The following CDK17 variants were observed in gnomAD, a reference collection of about 807,000 sequenced individuals.
The protein encoded by CDK17 is cyclin-dependent kinase 17.
A neutral mutation model predicts 77.6 loss-of-function variants in CDK17; 24 were observed. The ratio of observed to expected loss-of-function variants is 0.31; its 90% CI spans 0.22 to 0.44. CDK17 has a LOEUF of 0.44. CDK17 is among the 20% of genes least tolerant of loss of function. The pLI is 1.00. For missense variants in CDK17, 429 were observed against 622.5 expected, an observed-to-expected ratio of 0.69 and a Z score of 3.31; for synonymous variants, 203 against 210.4, an observed-to-expected ratio of 0.96 and a Z score of 0.30.
chr12:96,372,183 C>A (rs1197575918), intron 1 of CDK17, among the ~76,000 whole-genome samples: 1 of 152,076 alleles, frequency 6.6e-6, no homozygotes, highest in Non-Finnish European at 1.5e-5. Flanking sequence ...TAAGTAGTGG[C>A]CAACTTTCCA....
chr12:96,338,432 T>C (rs891903305), intron 1 of CDK17, among the ~76,000 whole-genome samples: 1 of 152,224 alleles, frequency 6.6e-6, no homozygotes, highest in Non-Finnish European at 1.5e-5. Context: ...TGGGTTGGTC[T>C]TGGGGATTCC....
At chr12:96,330,342 T>C (rs1167337359) in intron 2 of CDK17, among the ~76,000 whole-genome samples, 1 of 151,970 alleles carries the variant, frequency 6.6e-6, no homozygotes, top group African/African-American at 2.4e-5. Flanking sequence ...GAGGGAAAGC[T>C]GAAGCTCAGA....
At chr12:96,375,970 G>T (rs1333952708) in intron 1 of CDK17, among the ~76,000 whole-genome samples, 1 of 152,160 alleles carries the variant, frequency 6.6e-6, no homozygotes, top group Non-Finnish European at 1.5e-5. Context: ...CATTGTCTTT[G>T]CAAATGAGCC....
chr12:96,308,352 A>G (rs543922620), intron 5 of CDK17, among the ~76,000 whole-genome samples: 1 of 152,084 alleles, frequency 6.6e-6, no homozygotes, highest in East Asian at 1.9e-4. Context: ...TCAAGATTAC[A>G]GTGAGCTATG....
intron 1 of CDK17, among the ~76,000 whole-genome samples, chr12:96,369,856 G>A (rs763428276): frequency 7.9e-5 from 12 of 152,146 alleles, no homozygotes; most frequent in Admixed American, 5.2e-4. Context: ...TGAGGTGGGC[G>A]GATCACGAGG....
At chr12:96,287,242 C>T (rs1039710184) in intron 11 of CDK17, among the ~76,000 whole-genome samples, 2 of 151,932 alleles carry the variant, frequency 1.3e-5, no homozygotes, top group East Asian at 3.9e-4. Context: ...CGTTTTGATG[C>T]AGGAAGCAGA....
At chr12:96,364,033 C>G (rs150161127) in intron 1 of CDK17, among the ~76,000 whole-genome samples, 1 of 152,152 alleles carries the variant, frequency 6.6e-6, no homozygotes. Flanking sequence ...CTCTTATACA[C>G]GTAACTTCTT....
chr12:96,322,823 C>T (rs182589147), intron 3 of CDK17, among the ~76,000 whole-genome samples: 7 of 152,190 alleles, frequency 4.6e-5, no homozygotes, highest in Non-Finnish European at 7.4e-5. Context: ...AATTTAATAG[C>T]TATGTTTAAC....
chr12:96,333,803 G>A (rs181627938), intron 2 of CDK17, among the ~76,000 whole-genome samples: 1 of 152,274 alleles, frequency 6.6e-6, no homozygotes, highest in East Asian at 1.9e-4. Flanking sequence ...TGGTTCTGGA[G>A]CTGGGTAACC....
intron 16 of CDK17, 39 bp downstream of exon 16, chr12:96,280,769 T>A: frequency 6.2e-7 from 1 of 1,603,526 alleles, no homozygotes; most frequent in Non-Finnish European, 8.5e-7. Context: ...CACGCAAAAA[T>A]TCATGATCGA....
intron 9 of CDK17, chr12:96,295,402 G>T: frequency 5.6e-6 from 1 of 178,800 alleles, no homozygotes; most frequent in Non-Finnish European, 1.1e-5. Context: ...AGTAACAGTT[G>T]ATTTACTGTG....
At chr12:96,281,430 A>G (rs1392018761) in intron 15 of CDK17, among the ~76,000 whole-genome samples, 2 of 152,240 alleles carry the variant, frequency 1.3e-5, no homozygotes, top group African/African-American at 2.4e-5. Flanking sequence ...GTGCAGTGGC[A>G]TGATCTTGGC....
chr12:96,365,176 A>C (rs908892412), intron 1 of CDK17, among the ~76,000 whole-genome samples: 7 of 152,222 alleles, frequency 4.6e-5, no homozygotes, highest in Non-Finnish European at 7.4e-5. Flanking sequence ...ATAATGGTAC[A>C]TTATCTTCCC....
intron 1 of CDK17, among the ~76,000 whole-genome samples, chr12:96,390,977 C>T (rs1470652325): frequency 2.6e-5 from 4 of 151,254 alleles, no homozygotes; most frequent in South Asian, 2.1e-4. Context: ...ATCCCAGCTA[C>T]TCGGGAGGCT....
At chr12:96,395,737 T>C (rs11108488) in intron 1 of CDK17, among the ~76,000 whole-genome samples, 1 of 152,056 alleles carries the variant, frequency 6.6e-6, no homozygotes, top group East Asian at 1.9e-4. Context: ...GTCCTAAGAG[T>C]GAGACCCTCT....
At chr12:96,399,636 C>T (rs1357099072) in intron 1 of CDK17, among the ~76,000 whole-genome samples, 1 of 152,154 alleles carries the variant, frequency 6.6e-6, no homozygotes, top group Non-Finnish European at 1.5e-5. Flanking sequence ...CTTTCCCCTC[C>T]TCCGCCTCGC....
intron 2 of CDK17, among the ~76,000 whole-genome samples, chr12:96,331,346 A>G (rs1270476213): frequency 6.6e-6 from 1 of 152,230 alleles, no homozygotes; most frequent in Non-Finnish European, 1.5e-5. Flanking sequence ...CTACAGAAAA[A>G]AATATTTTGT....
In CDK17 at chr12:96,338,474, A is replaced by C. The variant is rs192795633; in HGVS notation, c.-29-3609T>G. Among the ~76,000 whole-genome samples the C allele has an allele frequency of 4.6e-5, 7 of 152,322 alleles. No homozygotes were observed. The East Asian group carries it at 5.8e-4, about 13-fold the overall frequency. The stretch of plus-strand genomic sequence containing the variant: ...ACACTCCAAGAAATCTACGTGCCCC[A>C]GCAAAAAGTCCTAAGAGATGGTAGC... On this transcript the variant is annotated intron_variant, in intron 1 of 16. Transcript: ENST00000261211.
chr12:96,304,211 T>C (rs889022076), intron 5 of CDK17, among the ~76,000 whole-genome samples: 20 of 152,118 alleles, frequency 1.3e-4, no homozygotes, highest in African/African-American at 4.3e-4. Flanking sequence ...AGAGGATCCA[T>C]AGATGACATT....
Sources: allele counts gnomAD v4.1 joint callset (sites outside exome capture counted in the v4.1 genomes callset), GRCh38; gene constraint gnomAD v4.1.1; transcripts MANE v1.5; gene names NCBI Gene and HGNC (gene_info 2026-07-23, HGNC 2026-07-21).